Variants in STYX observed in about 807,000 individuals in gnomAD.
The protein encoded by STYX is serine/threonine/tyrosine-interacting protein.
Under a neutral mutation model 42.7 loss-of-function variants are expected in STYX, and 20 were observed. The ratio of observed to expected loss-of-function variants is 0.47; its 90% CI spans 0.33 to 0.68. The LOEUF is 0.68. Among genes scored for constraint, STYX ranks in the 30% least tolerant of loss-of-function variants. The pLI is 0.02. For synonymous variants in STYX, 78 were observed against 81.9 expected (o/e 0.95, Z 0.26); for missense variants, 226 against 268.5 (o/e 0.84, Z 1.11).
intron 9 of STYX, among the ~76,000 whole-genome samples, chr14:52,768,294 A>G (rs1189094741): frequency 6.6e-6 from 1 of 152,176 alleles, no homozygotes; most frequent in Non-Finnish European, 1.5e-5. Flanking sequence ...CCAGGACACC[A>G]AAAGCCTTTT....
rs1166518816 is a variant in STYX at position 52,773,437 on chromosome 14, A to C, written c.*2331A>C. On this transcript the variant is annotated 3_prime_UTR_variant, in exon 11 of 11. Coordinates refer to ENST00000354586, the MANE Select transcript of STYX (RefSeq NM_145251.4). ...ACTGCAACCTCCACCTCCTGGGTTC[A>C]AGTGATTTTCCTGCCTCAGCCTCCC... is the stretch of plus-strand genomic sequence containing the variant. The C allele has an allele frequency of 6.6e-6, 1 of 151,778 alleles. No homozygotes were observed. Among genetic ancestry groups the C allele is most frequent in the African/African-American group, 2.4e-5 (1 of 41,330 alleles). The allele number at this position is 151,778 out of a possible 1,614,324, so 9.4% of individuals were successfully genotyped here. A position where few individuals can be genotyped will look rare whatever the true frequency, so the allele number is the denominator to read the frequency against.
chr14:52,764,877 C>A (rs1594882230), intron 9 of STYX, among the ~76,000 whole-genome samples: 1 of 151,908 alleles, frequency 6.6e-6, no homozygotes, highest in Non-Finnish European at 1.5e-5. Context: ...CCATGTTGGC[C>A]AGGATGGTCT....
intron 1 of STYX, among the ~76,000 whole-genome samples, chr14:52,736,762 T>G (rs1318325439): frequency 6.6e-6 from 1 of 152,210 alleles, no homozygotes; most frequent in Non-Finnish European, 1.5e-5. Flanking sequence ...TTTATCTGAA[T>G]GAAGCTAGAT....
chr14:52,753,924 C>G (rs1881741065), intron 4 of STYX, among the ~76,000 whole-genome samples: 1 of 90,174 alleles, frequency 1.1e-5, no homozygotes, highest in Non-Finnish European at 2.0e-5. Context: ...TTTTTTGAGA[C>G]AGAGTCTCGC....
intron 9 of STYX, among the ~76,000 whole-genome samples, chr14:52,768,542 T>G (rs1282825633): frequency 1.3e-5 from 2 of 152,140 alleles, no homozygotes; most frequent in Non-Finnish European, 2.9e-5. Context: ...AAGTTTTTGG[T>G]GTTTTTTGGG....
intron 1 of STYX, among the ~76,000 whole-genome samples, chr14:52,735,835 G>A (rs1038791484): frequency 4.6e-5 from 7 of 152,184 alleles, no homozygotes; most frequent in African/African-American, 1.2e-4. Context: ...CACGTTTCTT[G>A]AAATATTGGT....
intron 9 of STYX, among the ~76,000 whole-genome samples, chr14:52,760,701 C>CTG (rs1882056959): frequency 6.6e-6 from 1 of 152,108 alleles, no homozygotes; most frequent in Non-Finnish European, 1.5e-5. Flanking sequence ...ACAGTGTCAT[C>CTG]TGTGTTCAGC....
At position 52,757,682 on chromosome 14, in the gene STYX, A is replaced by G. The variant is rs1034813338; in HGVS notation, c.341-61A>G. On this transcript the variant is annotated intron_variant, in intron 6 of 10. Transcript: ENST00000354586. ...AAGGAGTTACTTTACTGTGGTTTCA[A>G]TGTAGTTCAGCTACTGACTCAGGTG... The G allele has an allele frequency of 2.1e-5, 32 of 1,491,376 alleles. 2 individuals are homozygous for G. Among genetic ancestry groups the G allele is most frequent in the East Asian group, 1.4e-4 (6 of 44,180 alleles). The allele number at this position is 1,491,376 out of a possible 1,614,324, so 92.4% of individuals were successfully genotyped here. A position where few individuals can be genotyped will look rare whatever the true frequency, so the allele number is the denominator to read the frequency against.
At chr14:52,759,793 T>TA (rs754236306) in intron 9 of STYX, 39 bp downstream of exon 9, 1 of 1,362,380 alleles carries the variant, frequency 7.3e-7, no homozygotes, top group Non-Finnish European at 1.0e-6. Context: ...AGAAGTAAGA[T>TA]ATAAAATCTT....
At chr14:52,761,111 C>A (rs1338026127) in intron 9 of STYX, among the ~76,000 whole-genome samples, 1 of 151,988 alleles carries the variant, frequency 6.6e-6, no homozygotes, top group South Asian at 2.1e-4. Context: ...AGTGGAACAC[C>A]TGAGGTCAGG....
intron 4 of STYX, among the ~76,000 whole-genome samples, chr14:52,754,625 G>T (rs913919215): frequency 6.6e-6 from 1 of 151,928 alleles, no homozygotes; most frequent in Non-Finnish European, 1.5e-5. Context: ...TTAACATTTG[G>T]AATATTTCCT....
At chr14:52,755,122 T>G (rs200331269) in intron 4 of STYX, among the ~76,000 whole-genome samples, 3 of 39,802 alleles carry the variant, frequency 7.5e-5, no homozygotes, top group South Asian at 1.1e-3. Flanking sequence ...TGTTTTTTTG[T>G]TTTTTTTTTT....
At position 52,730,500 on chromosome 14, in the gene STYX, C is replaced by T. The variant is rs762502427; in HGVS notation, c.26C>T (p.Pro9Leu). 1 of 1,613,720 alleles carries T rather than the reference C, an allele frequency of 6.2e-7. No homozygotes were observed. The highest frequency in any genetic ancestry group is 8.5e-7 in the Non-Finnish European group (1 of 1,179,868). The change falls in exon 1 of 11, where the codon CCT becomes CTT. Residue 9 changes from proline (P) to leucine (L), a missense_variant. Transcript: ENST00000354586. ...ATGGAGGACGTGAAGCTGGAGTTCC[C>T]TTCCCTTCCACAGTGCAAGGAAGAC... Reference protein sequence around the residue: MEDVKLEFPSLPQCKEDAE... With the variant: MEDVKLEFLSLPQCKEDAE...
chr14:52,773,915 C>G lies in STYX; in HGVS notation c.*2809C>G, dbSNP rs1882618905. 6.6e-6 allele frequency: 1 copy of G among 152,140 alleles called. No individual in the cohort carries two copies. The highest frequency in any genetic ancestry group is 2.4e-5 in the African/African-American group (1 of 41,418). The allele number at this position is 152,140 out of a possible 1,614,324, so 9.4% of individuals were successfully genotyped here. A position where few individuals can be genotyped will look rare whatever the true frequency, so the allele number is the denominator to read the frequency against. ...CCAATTCCAACATTAAAAGTGTAAT[C>G]TGGGCCCATAATTTATAGTGAAATT... On this transcript the variant is annotated 3_prime_UTR_variant, in exon 11 of 11. Coordinates refer to ENST00000354586, the MANE Select transcript of STYX (RefSeq NM_145251.4).
In STYX at chr14:52,730,386, C is replaced by T; in HGVS notation, c.-89C>T. 1.4e-6 allele frequency: 2 copies of T among 1,429,084 alleles called. No individual in the cohort carries two copies. Among genetic ancestry groups the T allele is most frequent in the South Asian group, 2.4e-5 (2 of 83,130 alleles). 88.5% of individuals were successfully genotyped at this position (1,429,084 alleles called of 1,614,324 possible). On this transcript the variant is annotated 5_prime_UTR_variant, in exon 1 of 11. Coordinates refer to ENST00000354586, the MANE Select transcript of STYX (RefSeq NM_145251.4). ...CTGTCAGCCCTCCGCTCCGCCGGCC[C>T]TCCTTCCTTCCGCCGCCGCAGCCAG...
chr14:52,757,439 G>A, intron 6 of STYX, 84 bp downstream of exon 6: 13 of 1,252,938 alleles, frequency 1.0e-5, no homozygotes, highest in Non-Finnish European at 1.5e-5. Flanking sequence ...TTAAATGCAG[G>A]ATATGGAAGT....
At chr14:52,734,873 A>T (rs2139876740) in intron 1 of STYX, among the ~76,000 whole-genome samples, 1 of 152,184 alleles carries the variant, frequency 6.6e-6, no homozygotes, top group African/African-American at 2.4e-5. Flanking sequence ...CATCCTGGCT[A>T]ACACGGTAAA....
At position 52,754,070 on chromosome 14, in the gene STYX, A is replaced by G. The variant is rs191765276; in HGVS notation, c.243-2481A>G. On this transcript the variant is annotated intron_variant, in intron 4 of 10. Transcript: ENST00000354586. ...ACGCCTGGCTAATTTTTGTATTTTT[A>G]GTAGAGACGGGGTTTCACCATGTTG... Among the ~76,000 whole-genome samples the G allele has an allele frequency of 6.2e-3, 935 of 151,202 alleles. 5 individuals carry two copies. The highest frequency in any genetic ancestry group is 0.011 in the Non-Finnish European group (744 of 67,730).
At position 52,757,320 on chromosome 14, in the gene STYX, C is replaced by T; in HGVS notation, c.305C>T (p.Thr102Ile). Reference protein sequence around the residue: ...VENIIRFFPMTKEFIDGSLQM... With the variant: ...VENIIRFFPMIKEFIDGSLQM... ...AATCCACATGTCTTTTGCCTCCAGA[C>T]TAAGGAATTTATTGATGGGAGCTTA... The change falls in exon 6 of 11, where the codon ACT (threonine) becomes ATT (isoleucine). Residue 102 changes from threonine (T) to isoleucine (I), a missense_variant and splice_region_variant. Transcript: ENST00000354586. 1.9e-6 allele frequency: 3 copies of T among 1,605,920 alleles called. No individual in the cohort carries two copies. Among genetic ancestry groups the T allele is most frequent in the Non-Finnish European group, 1.7e-6 (2 of 1,174,780 alleles).
Sources: gnomAD v4.1 joint callset for allele counts (sites outside exome capture counted in the v4.1 genomes callset) on GRCh38, gnomAD v4.1.1 for gene constraint, MANE v1.5 for transcripts, NCBI Gene and HGNC (gene_info 2026-07-23, HGNC 2026-07-21) for gene names.